The following RHOBTB1 variants were observed in gnomAD, a reference collection of about 807,000 sequenced individuals.
The protein encoded by RHOBTB1 is rho-related BTB domain-containing protein 1.
RHOBTB1 carries 40 observed loss-of-function variants against 71.6 expected under a neutral mutation model. That is an observed-to-expected ratio of 0.56 (90% CI 0.43 to 0.73). RHOBTB1 has a LOEUF of 0.73. RHOBTB1 is among the 30% of genes least tolerant of loss of function. RHOBTB1 has a pLI of 0.00. For missense variants in RHOBTB1, 797 were observed against 894.0 expected (o/e 0.89, Z 1.38); for synonymous variants, 319 against 334.9 (o/e 0.95, Z 0.52).
chr10:60,959,245 C>T (rs2085700536), intron 2 of RHOBTB1, among the ~76,000 whole-genome samples: 1 of 152,174 alleles, frequency 6.6e-6, no homozygotes, highest in African/African-American at 2.4e-5. Flanking sequence ...GCTGCTTAGA[C>T]TGAAAGGTTC....
downstream of RHOBTB1, among the ~76,000 whole-genome samples, chr10:60,864,872 C>G (rs10994549): frequency 0.18 from 27,464 of 151,952 alleles, 2,762 homozygotes; most frequent in African/African-American, 0.27. Context: ...TGTACTTTTG[C>G]TAGAGATGGG....
intron 2 of RHOBTB1, among the ~76,000 whole-genome samples, chr10:60,977,755 TA>T (rs1481725144): frequency 2.6e-5 from 4 of 152,284 alleles, no homozygotes; most frequent in Non-Finnish European, 5.9e-5. Flanking sequence ...AGAATTTATG[TA>T]GATTTAAAAA....
intron 2 of RHOBTB1, among the ~76,000 whole-genome samples, chr10:60,937,543 G>C (rs1000779672): frequency 6.6e-6 from 1 of 152,168 alleles, no homozygotes; most frequent in Non-Finnish European, 1.5e-5. Context: ...TAGCTACTTA[G>C]GAACAGTGTC....
intron 2 of RHOBTB1, among the ~76,000 whole-genome samples, chr10:60,920,977 G>A (rs1049340947): frequency 1.4e-5 from 2 of 144,662 alleles, no homozygotes; most frequent in African/African-American, 5.1e-5. Flanking sequence ...TTATGAGACA[G>A]TGTCTCGCCT....
chr10:60,938,362 C>G (rs1260975332), intron 2 of RHOBTB1, among the ~76,000 whole-genome samples: 1 of 152,144 alleles, frequency 6.6e-6, no homozygotes, highest in Non-Finnish European at 1.5e-5. Flanking sequence ...CTGGCTGGGA[C>G]TTGGAAGCCT....
At chr10:60,866,417 T>C (rs117273231), downstream of RHOBTB1, among the ~76,000 whole-genome samples, 2 of 152,290 alleles carry the variant, frequency 1.3e-5, no homozygotes, top group East Asian at 3.9e-4. Flanking sequence ...CAACACTGTA[T>C]ATAAAGAAAC....
chr10:60,942,609 G>A (rs2084959446), intron 1 of RHOBTB1, among the ~76,000 whole-genome samples: 1 of 152,202 alleles, frequency 6.6e-6, no homozygotes, highest in African/African-American at 2.4e-5. Flanking sequence ...GGAGCAGAAT[G>A]CAGACATTAT....
intron 2 of RHOBTB1, among the ~76,000 whole-genome samples, chr10:60,952,667 A>G (rs1415715786): frequency 6.6e-6 from 1 of 152,226 alleles, no homozygotes; most frequent in African/African-American, 2.4e-5. Context: ...CATTCAAAGT[A>G]TTGCTGATTA....
At position 60,893,060 on chromosome 10, in the gene RHOBTB1, G is replaced by A. The variant is rs1486787698; in HGVS notation, c.297-65C>T. Reference sequence around the variant, plus strand: ...ACAGGTTTTTTCTTTTACCATTATGGTTCCTCTCAAACCCCATCCTTCTAA... The same window carrying A: ...ACAGGTTTTTTCTTTTACCATTATGATTCCTCTCAAACCCCATCCTTCTAA... On this transcript the variant is annotated intron_variant, in intron 4 of 10. Coordinates refer to ENST00000337910, the MANE Select transcript of RHOBTB1 (RefSeq NM_014836.5). 8.7e-6 allele frequency: 11 copies of A among 1,266,292 alleles called. No homozygotes were observed. In the African/African-American group the frequency reaches 1.7e-4, roughly 19 times the overall value. 78.4% of individuals were successfully genotyped at this position (1,266,292 alleles called of 1,614,324 possible). A position where few individuals can be genotyped will look rare whatever the true frequency, so the allele number is the denominator to read the frequency against.
chr10:60,900,165 C>T (rs1315504285), intron 4 of RHOBTB1, among the ~76,000 whole-genome samples: 1 of 152,090 alleles, frequency 6.6e-6, no homozygotes, highest in Non-Finnish European at 1.5e-5. Context: ...CAGTCCATTG[C>T]TTTAATGAGA....
At chr10:60,955,672 G>A (rs1307806075) in intron 2 of RHOBTB1, among the ~76,000 whole-genome samples, 116 of 152,196 alleles carry the variant, frequency 7.6e-4, no homozygotes, top group African/African-American at 2.7e-3. Flanking sequence ...CTGACTCAGT[G>A]TAAGAAAGCC....
intron 2 of RHOBTB1, among the ~76,000 whole-genome samples, chr10:60,922,930 T>C (rs2083654694): frequency 6.6e-6 from 1 of 152,174 alleles, no homozygotes; most frequent in African/African-American, 2.4e-5. Flanking sequence ...TGAACATTAG[T>C]ATAACTTCCA....
At chr10:60,955,384 A>G (rs979993710) in intron 2 of RHOBTB1, among the ~76,000 whole-genome samples, 1 of 152,178 alleles carries the variant, frequency 6.6e-6, no homozygotes, top group African/African-American at 2.4e-5. Flanking sequence ...CCACAATTCA[A>G]TTCATGTGTT....
chr10:60,989,454 G>A (rs529109078), intron 1 of RHOBTB1, among the ~76,000 whole-genome samples: 56 of 152,292 alleles, frequency 3.7e-4, no homozygotes, highest in Middle Eastern at 3.4e-3. Flanking sequence ...TATAAGATAC[G>A]TTGATACTTG....
At chr10:60,909,084 AAC>A (rs2082833872) in intron 4 of RHOBTB1, among the ~76,000 whole-genome samples, 1 of 152,156 alleles carries the variant, frequency 6.6e-6, no homozygotes, top group South Asian at 2.1e-4. Flanking sequence ...GTTGGGAGGG[AAC>A]ACACACGCAG....
upstream of RHOBTB1, chr10:60,944,277 G>C (rs1187197555): frequency 6.6e-6 from 1 of 152,212 alleles, no homozygotes; most frequent in Non-Finnish European, 1.5e-5. Context: ...AGGCGGAACG[G>C]AGCACCCGGC....
At chr10:60,962,295 C>G (rs2085809817) in intron 2 of RHOBTB1, among the ~76,000 whole-genome samples, 1 of 152,112 alleles carries the variant, frequency 6.6e-6, no homozygotes, top group South Asian at 2.1e-4. Flanking sequence ...ACCAATATAA[C>G]TCTTCCCAAC....
chr10:60,901,007 G>A (rs1050680374), intron 4 of RHOBTB1, among the ~76,000 whole-genome samples: 1 of 152,164 alleles, frequency 6.6e-6, no homozygotes, highest in African/African-American at 2.4e-5. Context: ...GAAATGTAAA[G>A]AAATGGACAG....
chr10:60,906,826 C>G (rs1183753583), intron 4 of RHOBTB1, among the ~76,000 whole-genome samples: 2 of 152,102 alleles, frequency 1.3e-5, no homozygotes, highest in Non-Finnish European at 2.9e-5. Flanking sequence ...ATAAAATCTG[C>G]AATTATTTAC....
Sources: allele counts gnomAD v4.1 joint callset (sites outside exome capture counted in the v4.1 genomes callset), GRCh38; gene constraint gnomAD v4.1.1; transcripts MANE v1.5; gene names NCBI Gene and HGNC (gene_info 2026-07-23, HGNC 2026-07-21).